The following DLG2 variants were observed in gnomAD, a reference collection of about 807,000 sequenced individuals.
DLG2 encodes the protein disks large homolog 2.
DLG2 carries 45 observed loss-of-function variants against 132.5 expected under a neutral mutation model. That is an observed-to-expected ratio of 0.34 (90% CI 0.27 to 0.44). The LOEUF is 0.44. Among genes scored for constraint, DLG2 ranks in the 20% least tolerant of loss-of-function variants. DLG2 has a pLI of 1.00. For synonymous variants in DLG2, 424 were observed against 419.6 expected, an observed-to-expected ratio of 1.01 and a Z score of -0.13; for missense variants, 1,045 against 1,196.9, an observed-to-expected ratio of 0.87 and a Z score of 1.87.
intron 5 of DLG2, among the ~76,000 whole-genome samples, chr11:85,128,442 T>A (rs2075370197): frequency 6.6e-6 from 1 of 152,196 alleles, no homozygotes; most frequent in Non-Finnish European, 1.5e-5. Flanking sequence ...CAAATGCCTT[T>A]GGGTGCCCAT....
chr11:84,461,001 G>A (rs1010108909), intron 7 of DLG2, among the ~76,000 whole-genome samples: 1 of 150,638 alleles, frequency 6.6e-6, no homozygotes, highest in African/African-American at 2.4e-5. Flanking sequence ...CGACCTAAGG[G>A]CAGGAAAATA....
intron 7 of DLG2, among the ~76,000 whole-genome samples, chr11:84,388,802 A>T (rs886308371): frequency 3.3e-5 from 5 of 152,240 alleles, no homozygotes; most frequent in Non-Finnish European, 7.4e-5. Flanking sequence ...CTGCTACTAA[A>T]GAAATAATTA....
intron 4 of DLG2, among the ~76,000 whole-genome samples, chr11:85,225,043 T>A (rs1307404015): frequency 4.0e-5 from 6 of 150,148 alleles, no homozygotes. Flanking sequence ...CTTAGGTGTT[T>A]GAAATATAAG....
At chr11:83,662,374 G>T (rs563788794) in intron 18 of DLG2, among the ~76,000 whole-genome samples, 1 of 152,302 alleles carries the variant, frequency 6.6e-6, no homozygotes, top group South Asian at 2.1e-4. Flanking sequence ...TGGCCCCAAA[G>T]ACACGACCCC....
At chr11:84,869,510 TC>T (rs147995358) in intron 6 of DLG2, among the ~76,000 whole-genome samples, 3,738 of 152,300 alleles carry the variant, frequency 0.025, 176 homozygotes, top group African/African-American at 0.086. Flanking sequence ...AAAAGCTTCT[TC>T]CTCTTCAATT....
chr11:83,812,172 T>C (rs1365566885), intron 17 of DLG2, among the ~76,000 whole-genome samples: 1 of 152,122 alleles, frequency 6.6e-6, no homozygotes, highest in East Asian at 1.9e-4. Context: ...TCAATTCAAA[T>C]CCTACTTCTC....
chr11:84,199,029 C>T (rs1397989252), intron 8 of DLG2, among the ~76,000 whole-genome samples: 1 of 152,098 alleles, frequency 6.6e-6, no homozygotes, highest in African/African-American at 2.4e-5. Context: ...GAAAAATTCT[C>T]AAGTGCAGTA....
chr11:84,953,304 C>T (rs1566494105), intron 6 of DLG2, among the ~76,000 whole-genome samples: 1 of 152,160 alleles, frequency 6.6e-6, no homozygotes, highest in Non-Finnish European at 1.5e-5. Context: ...TCTGCTAAAA[C>T]ACAATGACAC....
At chr11:83,469,528 C>G (rs2091718184) in intron 24 of DLG2, among the ~76,000 whole-genome samples, 155 bp from the exon 25 acceptor site, 1 of 152,086 alleles carries the variant, frequency 6.6e-6, no homozygotes, top group Non-Finnish European at 1.5e-5. Context: ...TACCCTCCCA[C>G]CATAAGCAAC....
At chr11:84,710,792 G>C (rs1220202329) in intron 6 of DLG2, among the ~76,000 whole-genome samples, 1 of 150,584 alleles carries the variant, frequency 6.6e-6, no homozygotes, top group Non-Finnish European at 1.5e-5. Flanking sequence ...TTTTATATTA[G>C]GAATTACACA....
At chr11:84,813,066 G>T (rs1376517557) in intron 6 of DLG2, among the ~76,000 whole-genome samples, 1 of 151,984 alleles carries the variant, frequency 6.6e-6, no homozygotes, top group Admixed American at 6.6e-5. Flanking sequence ...CCTTAAAAAG[G>T]CTTCTAGATC....
chr11:84,514,200 G>C (rs2099265469), intron 7 of DLG2, among the ~76,000 whole-genome samples: 1 of 152,080 alleles, frequency 6.6e-6, no homozygotes, highest in Admixed American at 6.6e-5. Context: ...AACGAATGCT[G>C]GTGGGGATGT....
At chr11:83,980,257 A>G (rs1481031507) in intron 12 of DLG2, among the ~76,000 whole-genome samples, 1 of 152,184 alleles carries the variant, frequency 6.6e-6, no homozygotes, top group East Asian at 1.9e-4. Flanking sequence ...ACACCCAGGA[A>G]AGGCCATGTG....
At chr11:84,166,762 CTG>C in intron 8 of DLG2, 1 of 348,030 alleles carries the variant, frequency 2.9e-6, no homozygotes, top group South Asian at 2.4e-5. Context: ...AAAACCAAAA[CTG>C]TTATAAATGG....
chr11:84,788,559 T>C (rs1446416641), intron 6 of DLG2, among the ~76,000 whole-genome samples: 1 of 152,182 alleles, frequency 6.6e-6, no homozygotes, highest in Non-Finnish European at 1.5e-5. Context: ...TATAATGTAG[T>C]TATAATACAT....
chr11:83,891,492 C>G lies in DLG2; in HGVS notation c.1497-17004G>C, dbSNP rs148377224. ...TGAGCGCTTTTAAGCAAAATTAAAACATAGCCACTTTTGTAGTTTAGAATA... is the reference window on the plus strand; with the variant it reads ...TGAGCGCTTTTAAGCAAAATTAAAAGATAGCCACTTTTGTAGTTTAGAATA... On this transcript the variant is annotated intron_variant, in intron 15 of 27. Transcript: ENST00000376104. Among the ~76,000 whole-genome samples, 85 of 152,264 alleles carry G rather than the reference C, an allele frequency of 5.6e-4. No individual in the cohort carries two copies. In the East Asian group the frequency reaches 0.015, roughly 27 times the overall value.
At chr11:84,137,714 C>T (rs2094661360) in intron 9 of DLG2, among the ~76,000 whole-genome samples, 1 of 152,100 alleles carries the variant, frequency 6.6e-6, no homozygotes, top group Non-Finnish European at 1.5e-5. Flanking sequence ...ATAAATTGTG[C>T]ATTCTAGATG....
intron 3 of DLG2, among the ~76,000 whole-genome samples, chr11:85,475,126 A>G (rs1350855531): frequency 6.6e-6 from 1 of 151,818 alleles, no homozygotes; most frequent in Non-Finnish European, 1.5e-5. Context: ...AATGTACAGC[A>G]AACTTTTTAA....
At chr11:84,599,191 G>C (rs1029455670) in intron 6 of DLG2, among the ~76,000 whole-genome samples, 15 of 152,216 alleles carry the variant, frequency 9.9e-5, no homozygotes, top group Non-Finnish European at 2.1e-4. Context: ...GTTGCAGTGA[G>C]CCAAGATCAT....
Sources: allele counts gnomAD v4.1 joint callset (sites outside exome capture counted in the v4.1 genomes callset), GRCh38; gene constraint gnomAD v4.1.1; transcripts MANE v1.5; gene names NCBI Gene and HGNC (gene_info 2026-07-23, HGNC 2026-07-21).